The following CUL7 variants were observed in gnomAD, a reference collection of about 807,000 sequenced individuals.
The protein encoded by CUL7 is cullin 7, also known as cullin-7.
CUL7 carries 96 observed loss-of-function variants against 177.7 expected under a neutral mutation model. The observed-to-expected ratio is 0.54, with a 90% CI of 0.46 to 0.64. CUL7 has a LOEUF of 0.64. Ranked by LOEUF, CUL7 falls within the 30% of genes least tolerant of loss-of-function variation. The pLI is 0.00. For synonymous variants in CUL7, 824 were observed against 890.2 expected, an observed-to-expected ratio of 0.93 and a Z score of 1.32; for missense variants, 1,893 against 2,187.9, an observed-to-expected ratio of 0.87 and a Z score of 2.69.
rs1281422786 is a variant in CUL7, at chr6:43,050,456, G to A, written c.1234-58C>T. On this transcript the variant is annotated intron_variant, in intron 4 of 25. Transcript: ENST00000265348. The surrounding 1 kb of genome is among the most constrained non-coding windows in gnomAD (Gnocchi z 4.1). The stretch of plus-strand genomic sequence containing the variant: ...AGGGAGGACTCACAAATGACTGGCT[G>A]TGGCCCAGTACTGAGGACTATAGCC... The A allele has an allele frequency of 5.0e-6, 8 of 1,606,908 alleles. No homozygotes were observed. The East Asian group carries it at 1.6e-4, about 31-fold the overall frequency.
Position 43,037,673 on chromosome 6 carries a change from AC to A in CUL7, c.*14del, listed in dbSNP as rs1321336578. On this transcript the variant is annotated 3_prime_UTR_variant, in exon 26 of 26. Transcript: ENST00000265348. ...AAAGCTCCAGCTCTACCTTCCCCTG[AC>A]CCCAAGTCTAGGGCTACCGGAAGGT... 2.6e-6 allele frequency: 4 copies of A among 1,548,156 alleles called. No homozygotes were observed. Among genetic ancestry groups the A allele is most frequent in the Non-Finnish European group, 3.5e-6 (4 of 1,143,978 alleles).
intron 9 of CUL7, among the ~76,000 whole-genome samples, chr6:43,047,381 G>GC (rs1207807807): frequency 6.6e-6 from 1 of 152,160 alleles, no homozygotes; most frequent in African/African-American, 2.4e-5. Context: ...ACGGCAGAGA[G>GC]CATCCCTGGG....
chr6:43,049,260 T>A, intron 7 of CUL7, 147 bp downstream of exon 7: 2 of 1,025,764 alleles, frequency 1.9e-6, no homozygotes, highest in Non-Finnish European at 3.0e-6. Context: ...ACACAATGCC[T>A]GCTTCTCCGT....
Position 43,053,612 on chromosome 6 carries a change from C to T in CUL7, c.-9+10G>A. The T allele has an allele frequency of 2.2e-6, 3 of 1,358,656 alleles. No homozygotes were observed. Among genetic ancestry groups the T allele is most frequent in the Non-Finnish European group, 2.8e-6 (3 of 1,058,996 alleles). The allele number at this position is 1,358,656 out of a possible 1,614,324, so 84.2% of individuals were successfully genotyped here. A position where few individuals can be genotyped will look rare whatever the true frequency, so the allele number is the denominator to read the frequency against. On this transcript the variant is annotated intron_variant, in intron 1 of 25. Coordinates refer to ENST00000265348, the MANE Select transcript of CUL7 (RefSeq NM_014780.5). The surrounding 1 kb of genome is among the most constrained non-coding windows in gnomAD (Gnocchi z 4.1). Reference sequence around the variant, plus strand: ...GGAGAAGCAAGGGGCCGCGGTGGGGCTCTGGCCACCTCAGAAGTCCACCGG... The same window carrying T: ...GGAGAAGCAAGGGGCCGCGGTGGGGTTCTGGCCACCTCAGAAGTCCACCGG...
rs1011796623 is a variant in CUL7 at position 43,052,012 on chromosome 6, G to A, written c.580+197C>T. 9.6e-7 allele frequency: 1 copy of A among 1,042,448 alleles called. No individual in the cohort carries two copies. Among genetic ancestry groups the A allele is most frequent in the East Asian group, 2.6e-5 (1 of 38,516 alleles). The allele number at this position is 1,042,448 out of a possible 1,614,324, so 64.6% of individuals were successfully genotyped here. ...AACTAATTAATATGAGGTTCTTGAA[G>A]ATAGTCTTTCCTCTTTTGGCAGATA... On this transcript the variant is annotated intron_variant, in intron 2 of 25. Coordinates refer to ENST00000265348, the MANE Select transcript of CUL7 (RefSeq NM_014780.5). The surrounding 1 kb of genome is among the most constrained non-coding windows in gnomAD (Gnocchi z 4.5).
rs1763362186 is a variant in CUL7 at position 43,040,936 on chromosome 6, G to A, written c.3785C>T (p.Thr1262Ile). The A allele has an allele frequency of 6.2e-7, 1 of 1,613,358 alleles. No homozygotes were observed. Among genetic ancestry groups the A allele is most frequent in the Non-Finnish European group, 8.5e-7 (1 of 1,179,694 alleles). The change falls in exon 20 of 26, where the codon ACC becomes ATC. Residue 1262 changes from threonine to isoleucine, a missense_variant. Coordinates refer to ENST00000265348, the MANE Select transcript of CUL7 (RefSeq NM_014780.5). This position sits in a 1 kb window ranked among gnomAD's most constrained non-coding sequence, Gnocchi z 4.2. The stretch of plus-strand genomic sequence containing the variant: ...TCACTGGTAATAATGCTCAAAAGTG[G>A]TGGCTATCTCCAAGCCGGAGAAAAT... Reference protein sequence around the residue: ...VLIFSGLEIATTFEHYYQHYM... With the variant: ...VLIFSGLEIAITFEHYYQHYM...
chr6:43,048,513 A>T lies in CUL7; in HGVS notation c.1882T>A (p.Tyr628Asn). 1 of 1,614,070 alleles carries T rather than the reference A, an allele frequency of 6.2e-7. No individual in the cohort carries two copies. Among genetic ancestry groups the T allele is most frequent in the Non-Finnish European group, 8.5e-7 (1 of 1,180,006 alleles). The change falls in exon 8 of 26, where the codon TAT becomes AAT. Residue 628 changes from tyrosine to asparagine, a missense_variant. Physicochemically the swap from Tyr to Asn is moderately radical, Grantham distance 143 (BLOSUM62 -2). Around this residue, in one of 5 missense-constraint regions of CUL7, gnomAD observed 973 missense variants for 1,140.9 expected, o/e 0.85. Coordinates refer to ENST00000265348, the MANE Select transcript of CUL7 (RefSeq NM_014780.5). ...NTPLQRLVEG[Y>N]GPAGKILLDL... Reference sequence around the variant, plus strand: ...AGGAGGATTTTCCCAGCTGGACCATAACCCTCCACCAGACGCTGCAGGGGA... The same window carrying T: ...AGGAGGATTTTCCCAGCTGGACCATTACCCTCCACCAGACGCTGCAGGGGA...
In CUL7 at chr6:43,049,047, C is replaced by T. The variant is rs142976101; in HGVS notation, c.1825+360G>A. ...TTGGCCTTCCAAAGTGCTGGGATTA[C>T]AGGCGTGAGCCACCATGCCCGGCCT... On this transcript the variant is annotated intron_variant, in intron 7 of 25. Coordinates refer to ENST00000265348, the MANE Select transcript of CUL7 (RefSeq NM_014780.5). Among the ~76,000 whole-genome samples, 1,469 of 152,244 alleles carry T rather than the reference C, an allele frequency of 9.6e-3. 6 individuals are homozygous for T. Among genetic ancestry groups the T allele is most frequent in the Non-Finnish European group, 0.017 (1,141 of 68,000 alleles).
chr6:43,053,520 C>G lies in CUL7; in HGVS notation c.-9+102G>C. The G allele has an allele frequency of 1.2e-6, 1 of 803,410 alleles. No individual in the cohort carries two copies. Among genetic ancestry groups the G allele is most frequent in the East Asian group, 3.2e-5 (1 of 30,786 alleles). The allele number at this position is 803,410 out of a possible 1,614,324, so 49.8% of individuals were successfully genotyped here. Reference sequence around the variant, plus strand: ...GATTAGGCCCCATAAGCTAGAACCCCGAGGCACGGTAGGATGGGGACCGAG... The same window carrying G: ...GATTAGGCCCCATAAGCTAGAACCCGGAGGCACGGTAGGATGGGGACCGAG... On this transcript the variant is annotated intron_variant, in intron 1 of 25. Transcript: ENST00000265348. The surrounding 1 kb of genome is among the most constrained non-coding windows in gnomAD (Gnocchi z 4.1).
At chr6:43,042,070 AGAAG>A (rs1763479114) in intron 19 of CUL7, among the ~76,000 whole-genome samples, 2 of 142,088 alleles carry the variant, frequency 1.4e-5, no homozygotes, top group East Asian at 2.4e-4. Flanking sequence ...AGAGAGAAAG[AGAAG>A]GAGGGAGGGA....
rs1364640217 is a variant in CUL7 at position 43,040,606 on chromosome 6, C to T, written c.3947G>A (p.Arg1316His). 8 of 1,614,218 alleles carry T rather than the reference C, an allele frequency of 5.0e-6. No individual in the cohort carries two copies. Among genetic ancestry groups the T allele is most frequent in the East Asian group, 4.5e-5 (2 of 44,886 alleles). Residue 1316 changes from arginine to histidine, a missense_variant, in exon 21 of 26, where the codon CGC (arginine) becomes CAC (histidine). By Grantham distance (29) the Arg-to-His change is conservative. Coordinates refer to ENST00000265348, the MANE Select transcript of CUL7 (RefSeq NM_014780.5). This position sits in a 1 kb window ranked among gnomAD's most constrained non-coding sequence, Gnocchi z 4.2. ...CTGGAGCTGGTAGACGTGGAACTGG[C>T]GCTGCAGCTCCTTAGAGGTGCTCAG... ...QSLSTSKELQRQFHVYQLQQL... is the reference protein window; with the variant it reads ...QSLSTSKELQHQFHVYQLQQL...
rs1396076939 is a variant in CUL7 at position 43,048,487 on chromosome 6, CAGG to C, written c.1905_1907del (p.Leu636del). 3 of 1,614,126 alleles carry C rather than the reference CAGG, an allele frequency of 1.9e-6. No homozygotes were observed. The highest frequency in any genetic ancestry group is 2.5e-6 in the Non-Finnish European group (3 of 1,180,012). ...CTGAGCTGAGGGCTTGCTCTAGATC[CAGG>C]AGGATTTTCCCAGCTGGACCATAAC... On this transcript the variant is annotated inframe_deletion, in exon 8 of 26. Coordinates refer to ENST00000265348, the MANE Select transcript of CUL7 (RefSeq NM_014780.5).
In CUL7 at chr6:43,053,723, AG is replaced by A; in HGVS notation, c.-111del. 6.9e-7 allele frequency: 1 copy of A among 1,452,306 alleles called. No homozygotes were observed. The highest frequency in any genetic ancestry group is 9.0e-7 in the Non-Finnish European group (1 of 1,105,824). 90.0% of individuals were successfully genotyped at this position (1,452,306 alleles called of 1,614,324 possible). On this transcript the variant is annotated 5_prime_UTR_variant, in exon 1 of 26. Transcript: ENST00000265348. The surrounding 1 kb of genome is among the most constrained non-coding windows in gnomAD (Gnocchi z 4.1). Reference sequence around the variant, plus strand: ...ACTTGGGCCCCACCTGGGCCCCGCGAGGGGGTCGAGACGGAGAGACGGGAGG... The same window carrying A: ...ACTTGGGCCCCACCTGGGCCCCGCGAGGGGTCGAGACGGAGAGACGGGAGG...
At position 43,038,702 on chromosome 6, in the gene CUL7, A is replaced by G; in HGVS notation, c.4441-10T>C. 1 of 1,614,044 alleles carries G rather than the reference A, an allele frequency of 6.2e-7. No homozygotes were observed. Among genetic ancestry groups the G allele is most frequent in the Non-Finnish European group, 8.5e-7 (1 of 1,179,958 alleles). On this transcript the variant is annotated splice_polypyrimidine_tract_variant and intron_variant, in intron 23 of 25. Coordinates refer to ENST00000265348, the MANE Select transcript of CUL7 (RefSeq NM_014780.5). ...TCTCCACAGAGACCGCCTTCAGAGAACAGATGGGAGACATTCAGGGCCTCC... is the reference window on the plus strand; with the variant it reads ...TCTCCACAGAGACCGCCTTCAGAGAGCAGATGGGAGACATTCAGGGCCTCC...
rs1381624361 is a variant in CUL7 at position 43,044,834 on chromosome 6, A to T, written c.3090T>A (p.Pro1030=). The change falls in exon 16 of 26, where the codon CCT becomes CCA. Residue 1030 remains proline, a synonymous_variant. Transcript: ENST00000265348. Reference sequence around the variant, plus strand: ...CCAGAGCTTGGGCAGCCTCGTCATCAGGGAGGAAGCGGTCAGCAAAATTCT... The same window carrying T: ...CCAGAGCTTGGGCAGCCTCGTCATCTGGGAGGAAGCGGTCAGCAAAATTCT... ...QEQNFADRFL[P]DDEAAQALGK... The T allele has an allele frequency of 6.2e-7, 1 of 1,613,842 alleles. No homozygotes were observed. Among genetic ancestry groups the T allele is most frequent in the African/African-American group, 1.3e-5 (1 of 74,924 alleles).
Position 43,053,033 on chromosome 6 carries a change from C to T in CUL7, c.-8-237G>A, listed in dbSNP as rs994440883. 3.3e-5 allele frequency among the ~76,000 whole-genome samples: 5 copies of T among 152,134 alleles called. No homozygotes were observed. Among genetic ancestry groups the T allele is most frequent in the Non-Finnish European group, 7.3e-5 (5 of 68,030 alleles). ...GGCTAAAAGGAAGGTCCCCAAGACC[C>T]TGTGGCCTGGAGTGGGTTGATATGG... On this transcript the variant is annotated intron_variant, in intron 1 of 25. Coordinates refer to ENST00000265348, the MANE Select transcript of CUL7 (RefSeq NM_014780.5). This position sits in a 1 kb window ranked among gnomAD's most constrained non-coding sequence, Gnocchi z 4.1.
At chr6:43,047,464 C>G (rs1764016027) in intron 9 of CUL7, among the ~76,000 whole-genome samples, 1 of 152,182 alleles carries the variant, frequency 6.6e-6, no homozygotes, top group African/African-American at 2.4e-5. Flanking sequence ...GGCACAGACA[C>G]CTGGATGGCT....
At position 43,046,135 on chromosome 6, in the gene CUL7, C is replaced by A. The variant is rs1250733712; in HGVS notation, c.2661-44G>T. ...AACCATTTGGAACTTGTAGACAGGG[C>A]CCATGGCCAAGTCCAGGGGGTGGTG... On this transcript the variant is annotated intron_variant, in intron 12 of 25. Coordinates refer to ENST00000265348, the MANE Select transcript of CUL7 (RefSeq NM_014780.5). The A allele has an allele frequency of 1.9e-6, 3 of 1,611,686 alleles. No individual in the cohort carries two copies. The African/African-American group carries it at 4.0e-5, about 22-fold the overall frequency.
chr6:43,048,801 T>C (rs1764151921), intron 7 of CUL7, among the ~76,000 whole-genome samples: 3 of 151,652 alleles, frequency 2.0e-5, no homozygotes, highest in Admixed American at 6.6e-5. Flanking sequence ...GGAGTCTCGC[T>C]CTGTCACCCA....
Sources: allele counts gnomAD v4.1 joint callset (sites outside exome capture counted in the v4.1 genomes callset), GRCh38; gene constraint gnomAD v4.1.1; regional missense constraint gnomAD v4.1.1; non-coding constraint Gnocchi (gnomAD v3.1); transcripts MANE v1.5; gene names NCBI Gene and HGNC (gene_info 2026-07-23, HGNC 2026-07-21).